Variants in SELENOF observed in about 807,000 individuals in gnomAD.
SELENOF encodes selenoprotein F, also known as 15 kDa selenoprotein.
Under a neutral mutation model 20.5 loss-of-function variants are expected in SELENOF, and 16 were observed. That is an observed-to-expected ratio of 0.78 (90% CI 0.53 to 1.19). SELENOF has a LOEUF of 1.19. SELENOF is among the 50% of genes most tolerant of loss of function. The pLI is 0.00. For synonymous variants in SELENOF, 78 were observed against 74.5 expected, an observed-to-expected ratio of 1.05 and a Z score of -0.24; for missense variants, 215 against 194.2, an observed-to-expected ratio of 1.11 and a Z score of -0.64.
chr1:86,909,221 T>C (rs1012438113), intron 1 of SELENOF, among the ~76,000 whole-genome samples: 2 of 152,260 alleles, frequency 1.3e-5, no homozygotes, highest in Admixed American at 1.3e-4. Flanking sequence ...CTGTGACATA[T>C]GCAGTTTCCA....
At chr1:86,887,766 A>G (rs1371775822) in intron 2 of SELENOF, among the ~76,000 whole-genome samples, 1 of 151,956 alleles carries the variant, frequency 6.6e-6, no homozygotes, top group African/African-American at 2.4e-5. Flanking sequence ...TCTCATTAGG[A>G]AAAAAAATAC....
intron 4 of SELENOF, among the ~76,000 whole-genome samples, chr1:86,866,498 C>A (rs1165942338): frequency 6.6e-6 from 1 of 151,778 alleles, no homozygotes; most frequent in Non-Finnish European, 1.5e-5. Flanking sequence ...GTTTAATGGG[C>A]GTAGAGTTTC....
intron 2 of SELENOF, among the ~76,000 whole-genome samples, chr1:86,897,248 T>C (rs1242876796): frequency 2.0e-5 from 3 of 151,988 alleles, no homozygotes; most frequent in Admixed American, 6.5e-5. Flanking sequence ...GATGGCACCA[T>C]TGCACTCCAG....
chr1:86,910,149 A>C (rs1225736094), intron 1 of SELENOF, among the ~76,000 whole-genome samples: 5 of 152,274 alleles, frequency 3.3e-5, no homozygotes, highest in Admixed American at 3.3e-4. Context: ...AATTTGCCTT[A>C]GTCAGTTATT....
intron 3 of SELENOF, among the ~76,000 whole-genome samples, chr1:86,871,306 C>A (rs931792369): frequency 5.9e-5 from 9 of 152,046 alleles, no homozygotes; most frequent in Admixed American, 2.0e-4. Flanking sequence ...AATAAGTACT[C>A]TAAGTTCAGA....
intron 3 of SELENOF, among the ~76,000 whole-genome samples, chr1:86,874,976 G>A (rs1462444554): frequency 2.0e-5 from 3 of 152,218 alleles, no homozygotes; most frequent in Non-Finnish European, 4.4e-5. Flanking sequence ...GCTCATGCCT[G>A]TAATGCCAGC....
Position 86,869,038 on chromosome 1 carries a change from A to G in SELENOF, c.317-936T>C, listed in dbSNP as rs767122180. ...CTTCACATATAATTGAAGAAATGCCATAACAATGAGGTACTCACATTCGGA... is the reference window on the plus strand; with the variant it reads ...CTTCACATATAATTGAAGAAATGCCGTAACAATGAGGTACTCACATTCGGA... On this transcript the variant is annotated intron_variant, in intron 3 of 4. Transcript: ENST00000331835. Among the ~76,000 whole-genome samples the G allele has an allele frequency of 2.0e-5, 3 of 152,230 alleles. No individual in the cohort carries two copies. The East Asian group carries it at 5.8e-4, about 29-fold the overall frequency.
At chr1:86,871,988 T>G (rs971909980) in intron 3 of SELENOF, among the ~76,000 whole-genome samples, 3 of 152,140 alleles carry the variant, frequency 2.0e-5, no homozygotes, top group Admixed American at 6.6e-5. Flanking sequence ...GGAGGGCAGC[T>G]GGAATATTCT....
chr1:86,891,377 G>A (rs1022264091), intron 2 of SELENOF, among the ~76,000 whole-genome samples: 3 of 152,226 alleles, frequency 2.0e-5, no homozygotes, highest in Non-Finnish European at 4.4e-5. Flanking sequence ...ACTCCTTGAA[G>A]ACAAGGAGTC....
chr1:86,878,013 A>T (rs894045486), intron 3 of SELENOF, among the ~76,000 whole-genome samples: 1 of 152,184 alleles, frequency 6.6e-6, no homozygotes, highest in African/African-American at 2.4e-5. Context: ...GAAAAAAAAC[A>T]TGATTACTTA....
chr1:86,891,192 G>T (rs1659375470), intron 2 of SELENOF, among the ~76,000 whole-genome samples: 1 of 152,032 alleles, frequency 6.6e-6, no homozygotes, highest in Admixed American at 6.6e-5. Flanking sequence ...TGAGGTTACA[G>T]GCATGTGCCA....
intron 4 of SELENOF, among the ~76,000 whole-genome samples, chr1:86,866,083 G>A (rs980306856): frequency 1.3e-5 from 2 of 150,630 alleles, no homozygotes; most frequent in African/African-American, 2.4e-5. Flanking sequence ...TGTGGTCTCA[G>A]AATCTTGGGA....
chr1:86,890,128 A>G (rs909386812), intron 2 of SELENOF, among the ~76,000 whole-genome samples: 1 of 152,212 alleles, frequency 6.6e-6, no homozygotes, highest in Non-Finnish European at 1.5e-5. Context: ...CCTAATCATC[A>G]TCTTCTCTCA....
intron 3 of SELENOF, among the ~76,000 whole-genome samples, chr1:86,877,838 A>G (rs1658964254): frequency 6.6e-6 from 1 of 152,172 alleles, no homozygotes; most frequent in African/African-American, 2.4e-5. Flanking sequence ...ATGCTATAAT[A>G]GCAGAGTTCG....
chr1:86,904,391 A>T (rs507966), intron 1 of SELENOF, among the ~76,000 whole-genome samples: 46,512 of 152,078 alleles, frequency 0.31, 9,392 homozygotes, highest in African/African-American at 0.58. Flanking sequence ...TCGTTACATT[A>T]AATCAGAGAT....
At chr1:86,875,282 A>T (rs1658896903) in intron 3 of SELENOF, among the ~76,000 whole-genome samples, 1 of 152,022 alleles carries the variant, frequency 6.6e-6, no homozygotes, top group Non-Finnish European at 1.5e-5. Flanking sequence ...TTACTATTAT[A>T]TACATCTGGA....
chr1:86,899,537 G>A (rs1438099749), intron 2 of SELENOF, among the ~76,000 whole-genome samples: 4 of 140,730 alleles, frequency 2.8e-5, no homozygotes, highest in Admixed American at 2.1e-4. Context: ...CTGGCCGGGC[G>A]GGGGGCTGAC....
intron 3 of SELENOF, among the ~76,000 whole-genome samples, chr1:86,870,785 AT>A (rs891722042): frequency 6.6e-6 from 1 of 151,424 alleles, no homozygotes; most frequent in Admixed American, 6.6e-5. Context: ...CGCACAGCTA[AT>A]TTTTTTTTAT....
At chr1:86,877,889 C>A (rs1020156514) in intron 3 of SELENOF, among the ~76,000 whole-genome samples, 3 of 152,096 alleles carry the variant, frequency 2.0e-5, no homozygotes, top group Non-Finnish European at 4.4e-5. Context: ...AAGCTGAAAA[C>A]TTTTACTATC....
Sources: gnomAD v4.1 joint callset for allele counts (sites outside exome capture counted in the v4.1 genomes callset) on GRCh38, gnomAD v4.1.1 for gene constraint, MANE v1.5 for transcripts, NCBI Gene and HGNC (gene_info 2026-07-23, HGNC 2026-07-21) for gene names.